Variants in AKAP13 observed in about 807,000 individuals in gnomAD.
The protein encoded by AKAP13 is A-kinase anchoring protein 13, also known as A-kinase anchor protein 13.
In AKAP13, 80 loss-of-function variants were observed where a neutral mutation model predicts 264.5. The observed-to-expected ratio is 0.30, with a 90% CI of 0.25 to 0.36. The LOEUF is 0.36. Ranked by LOEUF, AKAP13 falls within the 10% of genes least tolerant of loss-of-function variation. AKAP13 has a pLI of 1.00. For synonymous variants in AKAP13, 1,380 were observed against 1,250.2 expected (o/e 1.10, Z -2.19); for missense variants, 3,712 against 3,435.2 (o/e 1.08, Z -2.01).
intron 2 of AKAP13, among the ~76,000 whole-genome samples, chr15:85,512,616 T>A (rs1389012613): frequency 6.6e-6 from 1 of 152,168 alleles, no homozygotes; most frequent in Non-Finnish European, 1.5e-5. Context: ...CCCTTCTAGC[T>A]TTTTAAAGGC....
At chr15:85,593,743 T>C (rs1371699401) in intron 8 of AKAP13, among the ~76,000 whole-genome samples, 1 of 152,080 alleles carries the variant, frequency 6.6e-6, no homozygotes, top group Non-Finnish European at 1.5e-5. Context: ...TGAGTGAAAA[T>C]AACTGTATCT....
Position 85,715,918 on chromosome 15 carries a change from T to G in AKAP13, c.5730T>G (p.Ile1910Met). The G allele has an allele frequency of 6.2e-7, 1 of 1,611,880 alleles. No individual in the cohort carries two copies. The highest frequency in any genetic ancestry group is 8.5e-7 in the Non-Finnish European group (1 of 1,179,448). The part of the protein sequence containing the change: ...SLSKSVSIQN[I>M]TGVGNDENMS... Reference sequence around the variant, plus strand: ...CCAAAAGTGTCTCCATACAGAACATTACTGGGTAAGTGGAGATATTTAAAG... The same window carrying G: ...CCAAAAGTGTCTCCATACAGAACATGACTGGGTAAGTGGAGATATTTAAAG... Residue 1910 changes from isoleucine to methionine, a missense_variant, in exon 20 of 37, where the codon ATT (isoleucine) becomes ATG (methionine). By Grantham distance (10) the Ile-to-Met change is conservative (BLOSUM62 1). Around this residue, in one of 3 missense-constraint regions of AKAP13, gnomAD observed 2,759 missense variants for 2,411.7 expected, o/e 1.14. Coordinates refer to ENST00000394518, the MANE Select transcript of AKAP13 (RefSeq NM_007200.5).
intron 1 of AKAP13, among the ~76,000 whole-genome samples, chr15:85,427,029 C>T (rs567327745): frequency 6.8e-6 from 1 of 147,296 alleles, no homozygotes; most frequent in Non-Finnish European, 1.5e-5. Context: ...CATCTCGGCT[C>T]ACTGCAAACT....
intron 5 of AKAP13, among the ~76,000 whole-genome samples, chr15:85,550,158 G>A (rs924164584): frequency 5.9e-5 from 9 of 152,072 alleles, no homozygotes; most frequent in African/African-American, 9.7e-5. Context: ...CTCGTGATCC[G>A]CCTGCCTTGG....
At chr15:85,424,557 C>G (rs2072678519) in intron 1 of AKAP13, among the ~76,000 whole-genome samples, 1 of 152,192 alleles carries the variant, frequency 6.6e-6, no homozygotes, top group African/African-American at 2.4e-5. Flanking sequence ...ATCCAGACCA[C>G]TCAAGCTTTC....
rs546794497 is a variant in AKAP13, at chr15:85,392,296, C to T, written c.-12+11498C>T. Among the ~76,000 whole-genome samples, 54 of 141,652 alleles carry T rather than the reference C, an allele frequency of 3.8e-4. No homozygotes were observed. The Middle Eastern group carries it at 0.016, about 42-fold the overall frequency. 92.9% of individuals were successfully genotyped at this position (141,652 alleles called of 152,430 possible). A position where few individuals can be genotyped will look rare whatever the true frequency, so the allele number is the denominator to read the frequency against. ...TTGAGATGGAGTCTCGCTCTGTCGC[C>T]AAGGCTGGAGTGCAGTGGCGCTATC... On this transcript the variant is annotated intron_variant, in intron 1 of 36. Transcript: ENST00000394518.
chr15:85,442,469 TATATATTATATAATATATATAATATATA>T (rs2073709600), intron 1 of AKAP13, among the ~76,000 whole-genome samples: 1 of 124,610 alleles, frequency 8.0e-6, no homozygotes, highest in Non-Finnish European at 1.6e-5. Flanking sequence ...ATATACATAA[TATATATTATATAATATATATAATATATA>T]TTATATTATA....
intron 9 of AKAP13, among the ~76,000 whole-genome samples, chr15:85,643,875 T>C (rs2082423829): frequency 6.6e-6 from 1 of 152,214 alleles, no homozygotes; most frequent in South Asian, 2.1e-4. Context: ...CATTTTTGTT[T>C]ATCAGTGTTC....
intron 3 of AKAP13, among the ~76,000 whole-genome samples, chr15:85,531,246 A>G (rs1596453723): frequency 1.3e-5 from 2 of 152,240 alleles, no homozygotes; most frequent in South Asian, 2.1e-4. Flanking sequence ...CCCAGATTGC[A>G]CTGTATTTAG....
intron 16 of AKAP13, among the ~76,000 whole-genome samples, chr15:85,689,037 CCA>C (rs1002675093): frequency 7.2e-5 from 11 of 152,190 alleles, no homozygotes; most frequent in African/African-American, 2.7e-4. Flanking sequence ...TTTTTCTAAA[CCA>C]CAGTTACTTT....
At position 85,743,574 on chromosome 15, in the gene AKAP13, C is replaced by T. The variant is rs530718840; in HGVS notation, c.8141C>T (p.Ser2714Phe). 10 of 1,614,226 alleles carry T rather than the reference C, an allele frequency of 6.2e-6. No individual in the cohort carries two copies. The Admixed American group carries it at 8.3e-5, about 13-fold the overall frequency. ...PEEPPSPSAPSIAKSGSLDSE... is the reference protein window; with the variant it reads ...PEEPPSPSAPFIAKSGSLDSE... The stretch of plus-strand genomic sequence containing the variant: ...GAGCCCCCCTCGCCATCTGCACCTT[C>T]CATAGCCAAATCAGGGTCATTGGAC... Residue 2714 changes from serine to phenylalanine, a missense_variant, in exon 36 of 37, where the codon TCC becomes TTC. This residue lies in a region of AKAP13 where 611 missense variants were observed against 539.3 expected (regional missense o/e 1.13). Transcript: ENST00000394518.
At chr15:85,441,451 C>A in intron 1 of AKAP13, among the ~76,000 whole-genome samples, 1 of 151,830 alleles carries the variant, frequency 6.6e-6, no homozygotes, top group East Asian at 1.9e-4. Flanking sequence ...GACGTAGAGT[C>A]TTGTCTTTTA....
intron 5 of AKAP13, among the ~76,000 whole-genome samples, chr15:85,545,143 A>G (rs890960214): frequency 3.3e-5 from 5 of 152,200 alleles, no homozygotes; most frequent in Non-Finnish European, 5.9e-5. Context: ...GAGCTCTCCT[A>G]AGACAGTATT....
intron 5 of AKAP13, among the ~76,000 whole-genome samples, chr15:85,545,503 T>G (rs969751838): frequency 4.6e-5 from 7 of 152,228 alleles, no homozygotes; most frequent in Admixed American, 1.3e-4. Context: ...GTACTACTTC[T>G]GTTACATGTG....
intron 1 of AKAP13, among the ~76,000 whole-genome samples, chr15:85,400,287 A>G (rs565309445): frequency 2.2e-4 from 33 of 152,238 alleles, no homozygotes; most frequent in African/African-American, 7.5e-4. Flanking sequence ...ATGCATGCCT[A>G]TAGTTGTAGC....
At chr15:85,680,503 C>T (rs561117347) in intron 14 of AKAP13, among the ~76,000 whole-genome samples, 11 of 152,224 alleles carry the variant, frequency 7.2e-5, no homozygotes, top group South Asian at 2.1e-4. Context: ...GAAAAAAATA[C>T]GGAAGGCAAT....
chr15:85,512,984 G>A lies in AKAP13; in HGVS notation c.34-8444G>A, dbSNP rs544657143. 2.6e-3 allele frequency among the ~76,000 whole-genome samples: 397 copies of A among 152,152 alleles called. 2 individuals carry two copies. The highest frequency in any genetic ancestry group is 9.2e-3 in the African/African-American group (380 of 41,522). On this transcript the variant is annotated intron_variant, in intron 2 of 36. Transcript: ENST00000394518. ...CCATTCTCCTGCCTCAGCCTCCCGA[G>A]TAGCTGGGACTACAGGCACCCACCA...
In AKAP13 at chr15:85,724,895, T is replaced by C. The variant is rs1233826050; in HGVS notation, c.6746-1515T>C. On this transcript the variant is annotated intron_variant, in intron 26 of 36. Coordinates refer to ENST00000394518, the MANE Select transcript of AKAP13 (RefSeq NM_007200.5). This position sits in a 1 kb window ranked among gnomAD's most constrained non-coding sequence, Gnocchi z 4.2. ...CCTTTCCCACCACCAGCTGGCTGTG[T>C]ATTTCATGGTTCTGTGATAAACTTA... Among the ~76,000 whole-genome samples, 2 of 152,122 alleles carry C rather than the reference T, an allele frequency of 1.3e-5. No individual in the cohort carries two copies. The highest frequency in any genetic ancestry group is 2.4e-5 in the African/African-American group (1 of 41,434).
intron 14 of AKAP13, among the ~76,000 whole-genome samples, chr15:85,677,272 T>C (rs2084276136): frequency 6.6e-6 from 1 of 152,160 alleles, no homozygotes; most frequent in African/African-American, 2.4e-5. Flanking sequence ...GATAGAACAT[T>C]TTTTTGTCTT....
Sources: gnomAD v4.1 joint callset for allele counts (sites outside exome capture counted in the v4.1 genomes callset) on GRCh38, gnomAD v4.1.1 for gene constraint, gnomAD v4.1.1 regional missense constraint, Gnocchi (gnomAD v3.1) non-coding constraint, MANE v1.5 for transcripts, NCBI Gene and HGNC (gene_info 2026-07-23, HGNC 2026-07-21) for gene names.